The following SNAP47 variants were observed in gnomAD, a reference collection of about 807,000 sequenced individuals.
SNAP47 encodes synaptosomal-associated protein 47.
Under a neutral mutation model 31.4 loss-of-function variants are expected in SNAP47, and 20 were observed. That is an observed-to-expected ratio of 0.64 (90% CI 0.45 to 0.93). SNAP47 has a LOEUF of 0.93. Among genes scored for constraint, SNAP47 ranks in the 40% least tolerant of loss-of-function variants. SNAP47 has a pLI of 0.00. For synonymous variants in SNAP47, 194 were observed against 213.4 expected, an observed-to-expected ratio of 0.91 and a Z score of 0.79; for missense variants, 492 against 528.5, an observed-to-expected ratio of 0.93 and a Z score of 0.68.
chr1:227,730,474 G>A (rs1660570656), upstream of SNAP47: 1 of 151,436 alleles, frequency 6.6e-6, no homozygotes. Flanking sequence ...AGGAGTCATG[G>A]TCATTGACTA....
upstream of SNAP47, chr1:227,732,709 C>T: frequency 1.9e-6 from 3 of 1,606,916 alleles, no homozygotes; most frequent in Non-Finnish European, 2.5e-6. Context: ...TGAGCTAACA[C>T]CATGGACACA....
At chr1:227,750,090 G>A (rs902754053) in intron 2 of SNAP47, among the ~76,000 whole-genome samples, 7 of 152,240 alleles carry the variant, frequency 4.6e-5, no homozygotes, top group African/African-American at 1.7e-4. Flanking sequence ...ATGCAGGTTA[G>A]TTGGACTGAG....
rs748503094 is a variant in SNAP47 at position 227,780,703 on chromosome 1, C to T, written c.*30C>T. 1 of 1,612,524 alleles carries T rather than the reference C, an allele frequency of 6.2e-7. No homozygotes were observed. The highest frequency in any genetic ancestry group is 1.1e-5 in the South Asian group (1 of 90,986). On this transcript the variant is annotated 3_prime_UTR_variant, in exon 5 of 5. Coordinates refer to ENST00000617596, the MANE Select transcript of SNAP47 (RefSeq NM_053052.4). ...AGAACGTCCCTGCATTCCTGTCTCA[C>T]CCTGCACATCCCGCTGAGATGGAGG...
At chr1:227,767,221 C>A in intron 4 of SNAP47, 138 bp downstream of exon 4, 1 of 1,293,870 alleles carries the variant, frequency 7.7e-7, no homozygotes, top group Admixed American at 2.3e-5. Context: ...AGCTGCTGGC[C>A]TCCACTCGGC....
At chr1:227,765,241 C>A (rs1041946510) in intron 3 of SNAP47, among the ~76,000 whole-genome samples, 2 of 145,536 alleles carry the variant, frequency 1.4e-5, no homozygotes, top group Non-Finnish European at 3.0e-5. Flanking sequence ...TTGGGCAGGG[C>A]GGGGTGGGGT....
At chr1:227,732,742 C>T (rs899703137), upstream of SNAP47, 4 of 1,595,824 alleles carry the variant, frequency 2.5e-6, no homozygotes, top group Non-Finnish European at 3.4e-6. Flanking sequence ...AAGGACCCGA[C>T]ATGCGCCCAG....
chr1:227,735,117 G>A (rs748842359), upstream of SNAP47: 2 of 1,578,344 alleles, frequency 1.3e-6, no homozygotes, highest in Admixed American at 1.8e-5. Flanking sequence ...ACGCAGGGCA[G>A]GTTGGGCAGC....
rs12568707 is a variant in SNAP47, at chr1:227,780,521, C to T, written c.1114-6C>T. On this transcript the variant is annotated splice_region_variant and splice_polypyrimidine_tract_variant and intron_variant, in intron 4 of 4. Transcript: ENST00000617596. ...GCCTCTGCTGTGATCTTGTGCTTCT[C>T]CCCAGATCCTGAGGAGGATGAAGGG... is the stretch of plus-strand genomic sequence containing the variant. The T allele has an allele frequency of 3.0e-3, 4,905 of 1,613,848 alleles. 103 individuals carry two copies. Among genetic ancestry groups the T allele is most frequent in the South Asian group, 0.025 (2,317 of 91,080 alleles).
chr1:227,754,656 G>A (rs1006153670), intron 2 of SNAP47, among the ~76,000 whole-genome samples: 11 of 152,180 alleles, frequency 7.2e-5, no homozygotes, highest in Non-Finnish European at 1.6e-4. Flanking sequence ...ATGTCATTGT[G>A]TGCTTGGCAG....
At position 227,780,624 on chromosome 1, in the gene SNAP47, C is replaced by A; in HGVS notation, c.1211C>A (p.Ala404Glu). 1.2e-6 allele frequency: 2 copies of A among 1,614,200 alleles called. No homozygotes were observed. The highest frequency in any genetic ancestry group is 1.7e-6 in the Non-Finnish European group (2 of 1,180,028). The change falls in exon 5 of 5, where the codon GCA becomes GAA. Residue 404 changes from alanine to glutamate, a missense_variant. Transcript: ENST00000617596. Reference protein sequence around the residue: ...LDGVAAAVDRATLTIDKHNRR... With the variant: ...LDGVAAAVDRETLTIDKHNRR... ...GGCGTTGCAGCAGCTGTGGACAGGGCAACCTTGACCATCGACAAGCACAAC... is the reference window on the plus strand; with the variant it reads ...GGCGTTGCAGCAGCTGTGGACAGGGAAACCTTGACCATCGACAAGCACAAC...
At chr1:227,760,021 C>T (rs573987914) in intron 3 of SNAP47, among the ~76,000 whole-genome samples, 6 of 152,336 alleles carry the variant, frequency 3.9e-5, no homozygotes, top group African/African-American at 1.4e-4. Context: ...AACACGAGAG[C>T]CCTTGGTGGA....
chr1:227,764,855 G>A (rs1244623889), intron 3 of SNAP47, among the ~76,000 whole-genome samples: 6 of 152,000 alleles, frequency 3.9e-5, no homozygotes, highest in Admixed American at 6.6e-5. Context: ...GGTGAGCCGC[G>A]ATCACACCAC....
At chr1:227,735,560 C>A in intron 1 of SNAP47, 61 bp downstream of exon 1, 1 of 1,348,376 alleles carries the variant, frequency 7.4e-7, no homozygotes, top group South Asian at 1.9e-5. Flanking sequence ...CGTCCGCCCT[C>A]GGCTCAGTCC....
intron 4 of SNAP47, chr1:227,775,685 G>A: frequency 1.7e-6 from 2 of 1,160,240 alleles, no homozygotes; most frequent in Non-Finnish European, 2.3e-6. Context: ...TTTGTAGGTG[G>A]GCCCACCCTA....
At chr1:227,743,421 G>A (rs965699939) in intron 1 of SNAP47, among the ~76,000 whole-genome samples, 6 of 152,156 alleles carry the variant, frequency 3.9e-5, no homozygotes, top group African/African-American at 1.2e-4. Context: ...AAGGCCTCCC[G>A]TGGGCTCCGG....
At chr1:227,777,109 T>TA (rs3835265) in intron 4 of SNAP47, 38,002 of 823,138 alleles carry the variant, frequency 0.046, 503 homozygotes, top group Non-Finnish European at 0.051. Flanking sequence ...ATGTCTTTTT[T>TA]AAAAAAAAAA....
At position 227,748,357 on chromosome 1, in the gene SNAP47, G is replaced by C. The variant is rs962807706; in HGVS notation, c.497+124G>C. 4 of 1,098,854 alleles carry C rather than the reference G, an allele frequency of 3.6e-6. No homozygotes were observed. In the Admixed American group the frequency reaches 1.2e-4, roughly 33 times the overall value. The allele number at this position is 1,098,854 out of a possible 1,614,324, so 68.1% of individuals were successfully genotyped here. ...ACACATCCAGCATTCTGAGATCCTG[G>C]CTGTGCACCTGCTGTACATGCTTAG... On this transcript the variant is annotated intron_variant, in intron 2 of 4. Transcript: ENST00000617596.
intron 2 of SNAP47, among the ~76,000 whole-genome samples, chr1:227,753,079 T>C (rs996049084): frequency 2.0e-5 from 3 of 152,202 alleles, no homozygotes; most frequent in African/African-American, 7.2e-5. Flanking sequence ...AAAGCAATAA[T>C]TGTGTTCAAG....
At chr1:227,750,391 G>C (rs1199782163) in intron 2 of SNAP47, among the ~76,000 whole-genome samples, 1 of 152,268 alleles carries the variant, frequency 6.6e-6, no homozygotes, top group Non-Finnish European at 1.5e-5. Context: ...TTTCCTGGGA[G>C]TCCGCCAATT....
Sources: allele counts gnomAD v4.1 joint callset (sites outside exome capture counted in the v4.1 genomes callset), GRCh38; gene constraint gnomAD v4.1.1; transcripts MANE v1.5; gene names NCBI Gene and HGNC (gene_info 2026-07-23, HGNC 2026-07-21).